The following FARS2 variants were observed in gnomAD, a reference collection of about 807,000 sequenced individuals.
FARS2 encodes phenylalanyl-tRNA synthetase 2, mitochondrial.
FARS2 carries 40 observed loss-of-function variants against 46.4 expected under a neutral mutation model. The ratio of observed to expected loss-of-function variants is 0.86; its 90% CI spans 0.67 to 1.12. The LOEUF (loss-of-function observed/expected upper bound fraction) is 1.12, where lower values mean the gene tolerates loss of function less well. Ranked by LOEUF, FARS2 falls within the 50% of genes most tolerant of loss-of-function variation. The probability of loss-of-function intolerance (pLI) is 0.00; values close to 1 mark genes in which losing one functional copy is unlikely to be tolerated. For missense variants in FARS2, 513 were observed against 567.9 expected, an observed-to-expected ratio of 0.90 and a Z score of 0.98; for synonymous variants, 234 against 214.9, an observed-to-expected ratio of 1.09 and a Z score of -0.78.
chr6:5,266,741 T>C (rs924639718), intron 1 of FARS2, among the ~76,000 whole-genome samples: 22 of 152,234 alleles, frequency 1.4e-4, no homozygotes, highest in African/African-American at 4.1e-4. Flanking sequence ...TTCTCACTTA[T>C]TTGTAAAGCT....
chr6:5,588,679 A>G (rs559569618), intron 5 of FARS2, among the ~76,000 whole-genome samples: 1 of 152,294 alleles, frequency 6.6e-6, no homozygotes, highest in Admixed American at 6.5e-5. Flanking sequence ...TGTTTCCATC[A>G]TAGGACTCTT....
At chr6:5,434,811 C>T (rs2127775782) in intron 4 of FARS2, among the ~76,000 whole-genome samples, 1 of 152,190 alleles carries the variant, frequency 6.6e-6, no homozygotes, top group East Asian at 1.9e-4. Flanking sequence ...TCTTCATTCC[C>T]TTCTCTTTTA....
At chr6:5,399,959 G>A (rs1365224953) in intron 2 of FARS2, among the ~76,000 whole-genome samples, 1 of 152,166 alleles carries the variant, frequency 6.6e-6, no homozygotes, top group Non-Finnish European at 1.5e-5. Context: ...AATGTTGGAA[G>A]TATATTTTCA....
chr6:5,751,091 C>G (rs191204453), intron 6 of FARS2, among the ~76,000 whole-genome samples: 1 of 152,070 alleles, frequency 6.6e-6, no homozygotes, highest in Non-Finnish European at 1.5e-5. Flanking sequence ...ACGATGCATT[C>G]CAGGCCCAAA....
intron 4 of FARS2, among the ~76,000 whole-genome samples, chr6:5,442,385 C>T (rs1157800967): frequency 6.8e-6 from 1 of 147,946 alleles, no homozygotes; most frequent in East Asian, 2.0e-4. Context: ...GTTGCTCTTT[C>T]ATAAATGGAA....
At chr6:5,588,995 G>A (rs4960107) in intron 5 of FARS2, among the ~76,000 whole-genome samples, 122,368 of 152,110 alleles carry the variant, frequency 0.8, 49,266 homozygotes, top group East Asian at 0.86. Flanking sequence ...ACAGTTTTAG[G>A]TTAGTCTTTA....
chr6:5,391,669 T>G (rs931090222), intron 2 of FARS2, among the ~76,000 whole-genome samples: 6 of 152,210 alleles, frequency 3.9e-5, no homozygotes, highest in African/African-American at 1.4e-4. Context: ...AAGCCTCATT[T>G]TCACTTTGCC....
At chr6:5,694,416 G>A (rs562440859) in intron 6 of FARS2, among the ~76,000 whole-genome samples, 3 of 152,288 alleles carry the variant, frequency 2.0e-5, no homozygotes, top group South Asian at 4.1e-4. Flanking sequence ...AGGTTACATT[G>A]ATTAGAAATT....
At chr6:5,636,054 T>A (rs1776530434) in intron 6 of FARS2, among the ~76,000 whole-genome samples, 1 of 152,188 alleles carries the variant, frequency 6.6e-6, no homozygotes, top group Non-Finnish European at 1.5e-5. Flanking sequence ...ACAGCAGTTG[T>A]GTTTCTTGTG....
At chr6:5,290,217 C>T (rs1450224089) in intron 1 of FARS2, among the ~76,000 whole-genome samples, 1 of 152,086 alleles carries the variant, frequency 6.6e-6, no homozygotes, top group Non-Finnish European at 1.5e-5. Flanking sequence ...CTGTTTTGTA[C>T]CGACTACTAT....
At chr6:5,476,714 C>T (rs1181057551) in intron 4 of FARS2, among the ~76,000 whole-genome samples, 1 of 152,064 alleles carries the variant, frequency 6.6e-6, no homozygotes, top group East Asian at 1.9e-4. Context: ...TGAGAGCCTG[C>T]CCCTTGGTTG....
At chr6:5,392,893 A>ATATATTATATATGTATATATACATATG (rs1562007443) in intron 2 of FARS2, among the ~76,000 whole-genome samples, 7 of 139,330 alleles carry the variant, frequency 5.0e-5, no homozygotes, top group East Asian at 2.1e-4. Context: ...ATATACATAT[A>ATATATTATATATGTATATATACATATG]TGTGTGTATA....
At chr6:5,318,427 A>G (rs1419410027) in intron 1 of FARS2, among the ~76,000 whole-genome samples, 1 of 150,542 alleles carries the variant, frequency 6.6e-6, no homozygotes, top group East Asian at 1.9e-4. Flanking sequence ...ATAATGAGGA[A>G]AATCTTGGTG....
intron 5 of FARS2, among the ~76,000 whole-genome samples, chr6:5,576,133 C>T (rs984282690): frequency 1.3e-5 from 2 of 152,120 alleles, no homozygotes; most frequent in African/African-American, 4.8e-5. Context: ...TTAATGTTTT[C>T]TGTAAGGTAT....
intron 1 of FARS2, among the ~76,000 whole-genome samples, chr6:5,318,563 A>G (rs1020280386): frequency 6.6e-6 from 1 of 152,178 alleles, no homozygotes; most frequent in Non-Finnish European, 1.5e-5. Context: ...GCATCTTAAA[A>G]GAGTTGGACA....
chr6:5,545,302 T>C lies in FARS2; in HGVS notation c.1027T>C (p.Phe343Leu), dbSNP rs1299028843. Residue 343 changes from phenylalanine (F) to leucine (L), a missense_variant, in exon 5 of 7, where the codon TTC (phenylalanine) becomes CTC (leucine). By Grantham distance (22) the Phe-to-Leu change is conservative. Transcript: ENST00000274680. ...WCEDERFLKQ[F>L]CVSNINQKVK... Reference sequence around the variant, plus strand: ...TGAGGACGAGCGCTTCCTGAAGCAGTTCTGTGTATCCAACATTAATCAGAA... The same window carrying C: ...TGAGGACGAGCGCTTCCTGAAGCAGCTCTGTGTATCCAACATTAATCAGAA... The C allele has an allele frequency of 4.3e-6, 7 of 1,614,082 alleles. No individual in the cohort carries two copies. The highest frequency in any genetic ancestry group is 1.7e-5 in the Admixed American group (1 of 60,030).
chr6:5,301,534 C>T (rs1231011450), intron 1 of FARS2, among the ~76,000 whole-genome samples: 1 of 152,084 alleles, frequency 6.6e-6, no homozygotes, highest in Non-Finnish European at 1.5e-5. Flanking sequence ...GGTGTTCTGC[C>T]AGCCCCATTC....
intron 5 of FARS2, among the ~76,000 whole-genome samples, chr6:5,608,111 T>C (rs1051456763): frequency 1.3e-4 from 20 of 152,292 alleles, no homozygotes; most frequent in African/African-American, 4.6e-4. Context: ...CTTGGAACTT[T>C]GTTGTAACTT....
At chr6:5,480,845 G>T (rs1356272856) in intron 4 of FARS2, among the ~76,000 whole-genome samples, 1 of 152,162 alleles carries the variant, frequency 6.6e-6, no homozygotes, top group African/African-American at 2.4e-5. Flanking sequence ...AATTTATAGT[G>T]TCATAATGGA....
Sources: allele counts gnomAD v4.1 joint callset (sites outside exome capture counted in the v4.1 genomes callset), GRCh38; gene constraint gnomAD v4.1.1; transcripts MANE v1.5; gene names NCBI Gene and HGNC (gene_info 2026-07-23, HGNC 2026-07-21).